Variants in CACNA1E observed in about 807,000 individuals in gnomAD.
The protein encoded by CACNA1E is voltage-dependent R-type calcium channel subunit alpha-1E.
A neutral mutation model predicts 259.2 loss-of-function variants in CACNA1E; 40 were observed. That is an observed-to-expected ratio of 0.15 (90% CI 0.12 to 0.20). The LOEUF (loss-of-function observed/expected upper bound fraction) is 0.20. Among genes scored for constraint, CACNA1E ranks in the 10% least tolerant of loss-of-function variants. CACNA1E has a pLI of 1.00. For synonymous variants in CACNA1E, 1,104 were observed against 1,138.5 expected, an observed-to-expected ratio of 0.97 and a Z score of 0.61; for missense variants, 1,874 against 3,040.1, an observed-to-expected ratio of 0.62 and a Z score of 9.02.
chr1:181,534,130 T>G (rs1303261313), intron 3 of CACNA1E, among the ~76,000 whole-genome samples: 1 of 152,146 alleles, frequency 6.6e-6, no homozygotes, highest in Non-Finnish European at 1.5e-5. Context: ...ATTTTGTTCC[T>G]TATTTAAAGT....
chr1:181,544,258 A>G (rs1668816163), intron 3 of CACNA1E, among the ~76,000 whole-genome samples: 1 of 152,224 alleles, frequency 6.6e-6, no homozygotes, highest in Admixed American at 6.5e-5. Context: ...GAGCAAATCC[A>G]TAAAGGGCGT....
At chr1:181,681,849 T>C (rs1650004557) in intron 7 of CACNA1E, among the ~76,000 whole-genome samples, 1 of 152,166 alleles carries the variant, frequency 6.6e-6, no homozygotes, top group African/African-American at 2.4e-5. Flanking sequence ...GCCTATCATC[T>C]GGTTGGCTGG....
intron 2 of CACNA1E, among the ~76,000 whole-genome samples, chr1:181,432,238 G>T (rs1009447096): frequency 1.3e-5 from 2 of 152,226 alleles, no homozygotes; most frequent in African/African-American, 2.4e-5. Flanking sequence ...TTTATCAAGA[G>T]ACCTTCCTGA....
At chr1:181,474,625 C>T (rs1329022690) in intron 2 of CACNA1E, among the ~76,000 whole-genome samples, 1 of 152,134 alleles carries the variant, frequency 6.6e-6, no homozygotes. Context: ...GGCATGATGA[C>T]ATTTGCCTTT....
At chr1:181,572,240 G>T (rs543949152) in intron 3 of CACNA1E, among the ~76,000 whole-genome samples, 2 of 152,250 alleles carry the variant, frequency 1.3e-5, no homozygotes, top group South Asian at 4.2e-4. Context: ...GAATTCTTTG[G>T]GCGACTAACT....
At chr1:181,318,039 C>T (rs1043607275) in exon 1 of CACNA1E, 2 of 151,996 alleles carry the variant, frequency 1.3e-5, no homozygotes, top group African/African-American at 4.8e-5. Flanking sequence ...ACCCCTTTCC[C>T]CTTTTAAAAT....
intron 11 of CACNA1E, among the ~76,000 whole-genome samples, chr1:181,717,791 CT>C (rs371468383): frequency 2.4e-4 from 37 of 152,210 alleles, no homozygotes; most frequent in African/African-American, 7.7e-4. Context: ...CTCTTTCCCC[CT>C]GAGGGCCCTC....
chr1:181,729,291 G>T (rs1655240855), intron 18 of CACNA1E, among the ~76,000 whole-genome samples: 1 of 150,858 alleles, frequency 6.6e-6, no homozygotes. Context: ...AGGTGTGTGT[G>T]CTCTGCACAG....
intron 1 of CACNA1E, among the ~76,000 whole-genome samples, chr1:181,490,777 C>T (rs777553135): frequency 6.6e-6 from 1 of 152,092 alleles, no homozygotes; most frequent in Non-Finnish European, 1.5e-5. Flanking sequence ...CATCTTTCTT[C>T]CCTTTGGGGG....
intron 1 of CACNA1E, among the ~76,000 whole-genome samples, chr1:181,325,777 C>A (rs7542284): frequency 6.6e-6 from 1 of 152,246 alleles, no homozygotes; most frequent in African/African-American, 2.4e-5. Context: ...ACTGTCCATC[C>A]GGAATTAAAT....
intron 17 of CACNA1E, among the ~76,000 whole-genome samples, chr1:181,724,784 C>T (rs1282714796): frequency 6.6e-6 from 1 of 152,210 alleles, no homozygotes; most frequent in East Asian, 1.9e-4. Flanking sequence ...ATCTTAATTT[C>T]TATGAGCCCT....
intron 1 of CACNA1E, among the ~76,000 whole-genome samples, chr1:181,321,179 C>A (rs368445952): frequency 2.0e-5 from 3 of 152,150 alleles, no homozygotes; most frequent in African/African-American, 4.8e-5. Context: ...GAGGGATCAG[C>A]CCCCATGACC....
At chr1:181,661,641 G>A (rs1647692708) in intron 7 of CACNA1E, among the ~76,000 whole-genome samples, 1 of 152,162 alleles carries the variant, frequency 6.6e-6, no homozygotes, top group Non-Finnish European at 1.5e-5. Context: ...GAGTAGAGTA[G>A]GGTTTGTTTT....
Position 181,785,284 on chromosome 1 carries a change from C to A in CACNA1E, c.5579-34C>A, listed in dbSNP as rs1256194136. 2.4e-6 allele frequency: 3 copies of A among 1,255,256 alleles called. No homozygotes were observed. The African/African-American group carries it at 4.4e-5, about 18-fold the overall frequency. The allele number at this position is 1,255,256 out of a possible 1,614,324, so 77.8% of individuals were successfully genotyped here. A position where few individuals can be genotyped will look rare whatever the true frequency, so the allele number is the denominator to read the frequency against. On this transcript the variant is annotated intron_variant, in intron 41 of 47. Coordinates refer to ENST00000367573, the MANE Select transcript of CACNA1E (RefSeq NM_001205293.3). The stretch of plus-strand genomic sequence containing the variant: ...CCTCACTCTCTCCCATTATCTACTC[C>A]CTGTTCACCATCATGCCACATTTGT...
chr1:181,683,052 C>A (rs185801924), intron 7 of CACNA1E, among the ~76,000 whole-genome samples: 1 of 152,288 alleles, frequency 6.6e-6, no homozygotes, highest in Non-Finnish European at 1.5e-5. Context: ...AGAATTGGAG[C>A]CCCTCCCCTC....
chr1:181,352,487 A>G (rs2102675839), intron 1 of CACNA1E, among the ~76,000 whole-genome samples: 1 of 152,362 alleles, frequency 6.6e-6, no homozygotes, highest in African/African-American at 2.4e-5. Context: ...TAGATCTGTC[A>G]AAGAAGCCAT....
intron 39 of CACNA1E, among the ~76,000 whole-genome samples, chr1:181,783,012 C>G (rs574556579): frequency 3.3e-5 from 5 of 152,104 alleles, no homozygotes; most frequent in Non-Finnish European, 7.3e-5. Context: ...CCTGGGCCAC[C>G]CTTCCTCGTT....
chr1:181,642,138 T>A (rs145266432), intron 6 of CACNA1E, among the ~76,000 whole-genome samples: 194 of 152,316 alleles, frequency 1.3e-3, no homozygotes, highest in African/African-American at 4.6e-3. Flanking sequence ...TCCTGCATTC[T>A]GGTTCTACTT....
intron 3 of CACNA1E, among the ~76,000 whole-genome samples, chr1:181,556,608 T>G (rs1186843168): frequency 6.6e-6 from 1 of 152,134 alleles, no homozygotes; most frequent in East Asian, 1.9e-4. Flanking sequence ...CAGGACCTTC[T>G]CCCCTAAAGA....
Sources: gnomAD v4.1 joint callset for allele counts (sites outside exome capture counted in the v4.1 genomes callset) on GRCh38, gnomAD v4.1.1 for gene constraint, MANE v1.5 for transcripts, NCBI Gene and HGNC (gene_info 2026-07-23, HGNC 2026-07-21) for gene names.